The following FGF14 variants were observed in gnomAD, a reference collection of about 807,000 sequenced individuals.
FGF14 encodes the protein fibroblast growth factor homologous factor 4.
A neutral mutation model predicts 25.5 loss-of-function variants in FGF14; 5 were observed. The ratio of observed to expected loss-of-function variants is 0.20; its 90% CI spans 0.10 to 0.41. FGF14 has a LOEUF of 0.41. Among genes scored for constraint, FGF14 ranks in the 10% least tolerant of loss-of-function variants. The pLI is 1.00. For synonymous variants in FGF14, 138 were observed against 118.3 expected (o/e 1.17, Z -1.08); for missense variants, 222 against 320.1 (o/e 0.69, Z 2.34).
At chr13:102,155,850 A>G (rs969059812) in intron 1 of FGF14, among the ~76,000 whole-genome samples, 1 of 152,218 alleles carries the variant, frequency 6.6e-6, no homozygotes, top group Admixed American at 6.5e-5. Context: ...CCACAGAAAT[A>G]CAAACTACCA....
chr13:101,875,837 G>C lies in FGF14; in HGVS notation c.194-541C>G, dbSNP rs9557749. 4.2e-4 allele frequency among the ~76,000 whole-genome samples: 64 copies of C among 152,230 alleles called. No homozygotes were observed. The East Asian group carries it at 0.012, about 28-fold the overall frequency. On this transcript the variant is annotated intron_variant, in intron 1 of 4. Transcript: ENST00000376143. Reference sequence around the variant, plus strand: ...AGCCCCAATTTGGAGAAAACCCCTGGATGTGTGAAGGGTCATTGTTACTTC... The same window carrying C: ...AGCCCCAATTTGGAGAAAACCCCTGCATGTGTGAAGGGTCATTGTTACTTC...
chr13:101,930,695 TCACTCACACACA>T (rs2034696038), intron 1 of FGF14, among the ~76,000 whole-genome samples: 1 of 152,156 alleles, frequency 6.6e-6, no homozygotes, highest in South Asian at 2.1e-4. Flanking sequence ...TCAAACATGC[TCACTCACACACA>T]CACTCACACA....
rs189217554 is a variant in FGF14, at chr13:102,247,129, A to G, written c.208+154342T>C. Reference sequence around the variant, plus strand: ...AAATATAAAATCAAAAACTATAATAACCCTGGAAGACAACCTAGGCAATAT... The same window carrying G: ...AAATATAAAATCAAAAACTATAATAGCCCTGGAAGACAACCTAGGCAATAT... On this transcript the variant is annotated intron_variant, in intron 1 of 4. Coordinates refer to the FGF14 transcript ENST00000376131. 2.5e-3 allele frequency among the ~76,000 whole-genome samples: 377 copies of G among 152,228 alleles called. 2 individuals carry two copies. Among genetic ancestry groups the G allele is most frequent in the Non-Finnish European group, 3.6e-3 (243 of 68,002 alleles).
intron 1 of FGF14, among the ~76,000 whole-genome samples, chr13:101,959,980 T>A (rs940075510): frequency 3.3e-5 from 5 of 152,238 alleles, no homozygotes; most frequent in African/African-American, 1.2e-4. Context: ...AATTTAATAA[T>A]CTCAGCTTAA....
At chr13:102,357,091 T>C (rs2057438774) in intron 1 of FGF14, among the ~76,000 whole-genome samples, 1 of 150,158 alleles carries the variant, frequency 6.7e-6, no homozygotes, top group South Asian at 2.1e-4. Context: ...TCTGAGCTGT[T>C]TAATTCTAAC....
intron 3 of FGF14, chr13:101,802,045 T>A: frequency 2.5e-6 from 1 of 401,598 alleles, no homozygotes; most frequent in South Asian, 2.1e-5. Context: ...CTAGGAAAGA[T>A]AAGTATAAAT....
intron 1 of FGF14, among the ~76,000 whole-genome samples, chr13:101,955,269 T>C (rs2036442185): frequency 6.6e-6 from 1 of 152,202 alleles, no homozygotes; most frequent in African/African-American, 2.4e-5. Context: ...TTTGAACTAG[T>C]AGGCAATTTC....
intron 1 of FGF14, among the ~76,000 whole-genome samples, chr13:102,154,493 C>A (rs2047230674): frequency 6.6e-6 from 1 of 152,084 alleles, no homozygotes; most frequent in African/African-American, 2.4e-5. Flanking sequence ...ACCAGGCCTG[C>A]CCTAAAAGAG....
chr13:102,285,476 A>G (rs909812814), intron 1 of FGF14, among the ~76,000 whole-genome samples: 4 of 152,188 alleles, frequency 2.6e-5, no homozygotes, highest in African/African-American at 9.7e-5. Context: ...CGGTTCTTCA[A>G]TAACCTGGAA....
intron 1 of FGF14, among the ~76,000 whole-genome samples, chr13:102,357,301 C>CA (rs2057446443): frequency 6.6e-6 from 1 of 151,950 alleles, no homozygotes; most frequent in Non-Finnish European, 1.5e-5. Context: ...GCCACACCTG[C>CA]ATGCACACTC....
intron 1 of FGF14, among the ~76,000 whole-genome samples, chr13:101,971,390 GA>G (rs2037583243): frequency 8.0e-6 from 1 of 125,542 alleles, no homozygotes; most frequent in Non-Finnish European, 1.7e-5. Flanking sequence ...TTTTTTTTTT[GA>G]AATGGGTCTC....
At chr13:101,968,638 A>AGTCCGC in intron 1 of FGF14, among the ~76,000 whole-genome samples, 2 of 144,514 alleles carry the variant, frequency 1.4e-5, no homozygotes. Context: ...GTGCCACTGC[A>AGTCCGC]ATCCAGCCTG....
In FGF14 at chr13:101,720,528, CTCTG is replaced by C. The variant is rs1158113262; in HGVS notation, c.*2299_*2302del. The C allele has an allele frequency of 1.2e-4, 11 of 92,694 alleles. No individual in the cohort carries two copies. The highest frequency in any genetic ancestry group is 2.4e-4 in the African/African-American group (5 of 21,218). The allele number at this position is 92,694 out of a possible 1,614,324, so 5.7% of individuals were successfully genotyped here. On this transcript the variant is annotated 3_prime_UTR_variant, in exon 5 of 5. Coordinates refer to ENST00000376143, the MANE Select transcript of FGF14 (RefSeq NM_004115.4). The stretch of plus-strand genomic sequence containing the variant: ...AGTAACAAATAGATGGGGGTGTTTG[CTCTG>C]TGTGTGTGTGTGTGTGTGTGTGTGT...
intron 1 of FGF14, among the ~76,000 whole-genome samples, chr13:102,351,314 T>A (rs2057273130): frequency 6.6e-6 from 1 of 152,146 alleles, no homozygotes; most frequent in Non-Finnish European, 1.5e-5. Context: ...TTCTTCCTCA[T>A]CTTTCTCTAA....
intron 3 of FGF14, among the ~76,000 whole-genome samples, chr13:101,851,351 C>T (rs2043837705): frequency 6.6e-6 from 1 of 151,968 alleles, no homozygotes; most frequent in Non-Finnish European, 1.5e-5. Flanking sequence ...TCAGATTTCT[C>T]CCCCTGAGCC....
intron 1 of FGF14, among the ~76,000 whole-genome samples, chr13:102,077,287 A>G (rs2140177743): frequency 6.6e-6 from 1 of 152,306 alleles, no homozygotes; most frequent in South Asian, 2.1e-4. Context: ...AAAACAAAAG[A>G]AGACAAATGG....
intron 1 of FGF14, among the ~76,000 whole-genome samples, chr13:102,360,695 T>A (rs2057539944): frequency 6.6e-6 from 1 of 152,162 alleles, no homozygotes; most frequent in African/African-American, 2.4e-5. Context: ...GAAGTCAATT[T>A]CAAGGAGCAA....
chr13:101,799,626 AAT>A (rs2040755021), intron 3 of FGF14, among the ~76,000 whole-genome samples: 1 of 152,168 alleles, frequency 6.6e-6, no homozygotes, highest in Admixed American at 6.6e-5. Context: ...ATTAGTCTGC[AAT>A]AGTCATTACT....
chr13:101,968,907 G>A (rs943561975), intron 1 of FGF14, among the ~76,000 whole-genome samples: 17 of 150,786 alleles, frequency 1.1e-4, no homozygotes, highest in African/African-American at 4.2e-4. Flanking sequence ...AAAAAGCTGG[G>A]GGTTTGGAAG....
Sources: gnomAD v4.1 joint callset for allele counts (sites outside exome capture counted in the v4.1 genomes callset) on GRCh38, gnomAD v4.1.1 for gene constraint, MANE v1.5 for transcripts, NCBI Gene and HGNC (gene_info 2026-07-23, HGNC 2026-07-21) for gene names.